Variants in ARHGAP44 observed in about 807,000 individuals in gnomAD.
ARHGAP44 encodes Rho GTPase activating protein 44.
Under a neutral mutation model 106.8 loss-of-function variants are expected in ARHGAP44, and 43 were observed. The observed-to-expected ratio is 0.40, with a 90% CI of 0.32 to 0.52. The LOEUF is 0.52. Among genes scored for constraint, ARHGAP44 ranks in the 20% least tolerant of loss-of-function variants. The probability of loss-of-function intolerance (pLI) is 0.48; values close to 1 mark genes in which losing one functional copy is unlikely to be tolerated. For synonymous variants in ARHGAP44, 439 were observed against 410.3 expected (o/e 1.07, Z -0.85); for missense variants, 866 against 1,050.5 (o/e 0.82, Z 2.43).
Position 12,949,877 on chromosome 17 carries a change from G to A in ARHGAP44, c.1055+147G>A, listed in dbSNP as rs1374872879. 1.5e-5 allele frequency: 11 copies of A among 721,346 alleles called. No individual in the cohort carries two copies. The highest frequency in any genetic ancestry group is 2.3e-5 in the Non-Finnish European group (10 of 440,316). 44.7% of individuals were successfully genotyped at this position (721,346 alleles called of 1,614,324 possible). On this transcript the variant is annotated intron_variant, in intron 12 of 20. Transcript: ENST00000379672. This position sits in a 1 kb window ranked among gnomAD's most constrained non-coding sequence, Gnocchi z 4.1. ...GAGTGCTTATACATTTGCCCAAGGA[G>A]GCAGGTCCAGGGATATTGATGGTAG...
At chr17:12,883,379 CT>C (rs545967302) in intron 1 of ARHGAP44, among the ~76,000 whole-genome samples, 2 of 150,882 alleles carry the variant, frequency 1.3e-5, no homozygotes, top group Admixed American at 6.6e-5. Flanking sequence ...TTATTAGTTT[CT>C]TTTTTTATTG....
chr17:12,866,502 AAG>A (rs759420555), intron 1 of ARHGAP44, among the ~76,000 whole-genome samples: 3 of 151,964 alleles, frequency 2.0e-5, no homozygotes. Flanking sequence ...TTCACAGTGT[AAG>A]AGAGAGAGAG....
rs1185142999 is a variant in ARHGAP44 at position 12,949,735 on chromosome 17, G to C, written c.1055+5G>C. The C allele has an allele frequency of 6.2e-7, 1 of 1,611,652 alleles. No homozygotes were observed. The stretch of plus-strand genomic sequence containing the variant: ...TGAGTGGATCCAGGCTTCCAAGTGA[G>C]TACCCCTTGTTTTGGAATGTCCTGT... On this transcript the variant is annotated splice_donor_5th_base_variant and intron_variant, in intron 12 of 20. Transcript: ENST00000379672. This position sits in a 1 kb window ranked among gnomAD's most constrained non-coding sequence, Gnocchi z 4.1.
At chr17:12,880,535 T>G (rs1464164071) in intron 1 of ARHGAP44, among the ~76,000 whole-genome samples, 1 of 152,180 alleles carries the variant, frequency 6.6e-6, no homozygotes, top group Non-Finnish European at 1.5e-5. Context: ...ACATTGTACC[T>G]CTAAGAGTCA....
intron 1 of ARHGAP44, among the ~76,000 whole-genome samples, chr17:12,844,884 A>AAAC (rs2035519324): frequency 6.6e-6 from 1 of 152,040 alleles, no homozygotes; most frequent in African/African-American, 2.4e-5. Context: ...CTGATAAGAG[A>AAAC]TACTATGCTG....
rs926597068 is a variant in ARHGAP44 at position 12,949,112 on chromosome 17, G to A, written c.862-28G>A. On this transcript the variant is annotated intron_variant, in intron 10 of 20. Transcript: ENST00000379672. This position sits in a 1 kb window ranked among gnomAD's most constrained non-coding sequence, Gnocchi z 4.1. ...TTTGATGTTGTACCTTGGAGTTGCT[G>A]TGCGCTGACCCTCTGTCCTGTTGGT... is the stretch of plus-strand genomic sequence containing the variant. 4 of 1,548,450 alleles carry A rather than the reference G, an allele frequency of 2.6e-6. No homozygotes were observed. In the South Asian group the frequency reaches 4.8e-5, roughly 18 times the overall value.
At chr17:12,859,750 G>A (rs900036260) in intron 1 of ARHGAP44, among the ~76,000 whole-genome samples, 20 of 152,152 alleles carry the variant, frequency 1.3e-4, no homozygotes, top group East Asian at 5.8e-4. Context: ...ATTCGCAGTC[G>A]CCAAGAAACA....
chr17:12,823,554 G>A lies in ARHGAP44; in HGVS notation c.53+33663G>A, dbSNP rs181648515. Among the ~76,000 whole-genome samples, 47 of 152,138 alleles carry A rather than the reference G, an allele frequency of 3.1e-4. No individual in the cohort carries two copies. In the East Asian group the frequency reaches 8.7e-3, roughly 28 times the overall value. On this transcript the variant is annotated intron_variant, in intron 1 of 20. Coordinates refer to ENST00000379672, the MANE Select transcript of ARHGAP44 (RefSeq NM_014859.6). ...CTGCCCCACCTGTTCTAATAGAGAA[G>A]CTATTCTTTCTCTATCCTTCCATCT...
intron 16 of ARHGAP44, among the ~76,000 whole-genome samples, chr17:12,968,214 C>G (rs948238479): frequency 1.3e-5 from 2 of 152,172 alleles, no homozygotes; most frequent in Non-Finnish European, 2.9e-5. Flanking sequence ...TCCTTGCCAC[C>G]TCGGGTGCTT....
chr17:12,841,631 C>CAAAAAA (rs1567642349), intron 1 of ARHGAP44, among the ~76,000 whole-genome samples: 3 of 106,286 alleles, frequency 2.8e-5, no homozygotes, highest in African/African-American at 1.1e-4. Context: ...CACACACACA[C>CAAAAAA]ACACACACAA....
At position 12,893,646 on chromosome 17, in the gene ARHGAP44, G is replaced by A. The variant is rs1009823817; in HGVS notation, c.54-1294G>A. Among the ~76,000 whole-genome samples, 85 of 152,294 alleles carry A rather than the reference G, an allele frequency of 5.6e-4. 1 individual carries two copies. The highest frequency in any genetic ancestry group is 2.0e-3 in the African/African-American group (83 of 41,564). ...CTTGGGTGGTTGTTACAGCCTGGTA[G>A]GAGTAGAAGTCAGGGCTCCCTACTC... On this transcript the variant is annotated intron_variant, in intron 1 of 20. Transcript: ENST00000379672.
intron 2 of ARHGAP44, 76 bp from the exon 3 acceptor site, chr17:12,896,331 G>A: frequency 8.0e-7 from 1 of 1,244,186 alleles, no homozygotes; most frequent in Non-Finnish European, 1.1e-6. Context: ...CATGAGTTGT[G>A]ATTGTCCACA....
chr17:12,979,328 C>G (rs1419821890), intron 18 of ARHGAP44, among the ~76,000 whole-genome samples: 1 of 152,148 alleles, frequency 6.6e-6, no homozygotes, highest in Non-Finnish European at 1.5e-5. Context: ...CTTGCAGTAA[C>G]GATGAATCCT....
chr17:12,915,849 GA>G (rs2037894354), intron 4 of ARHGAP44, 50 bp from the exon 5 acceptor site: 5 of 1,522,076 alleles, frequency 3.3e-6, no homozygotes, highest in Non-Finnish European at 4.5e-6. Context: ...TAACGCCAGT[GA>G]AATGTTGTCT....
intron 10 of ARHGAP44, among the ~76,000 whole-genome samples, chr17:12,948,723 T>TACAAACACACACACACACACACACAC (rs2038917600): frequency 3.4e-5 from 1 of 29,310 alleles, no homozygotes; most frequent in Non-Finnish European, 6.7e-5. Context: ...CCAACACACA[T>TACAAACACACACACACACACACACAC]ACACACACAC....
intron 1 of ARHGAP44, among the ~76,000 whole-genome samples, chr17:12,792,455 C>T (rs8068301): frequency 0.1 from 15,598 of 152,148 alleles, 1,029 homozygotes; most frequent in East Asian, 0.25. Flanking sequence ...GAGATTAAAA[C>T]GGTTTACCCC....
At chr17:12,898,867 A>G (rs9915005) in intron 3 of ARHGAP44, among the ~76,000 whole-genome samples, 8,790 of 152,300 alleles carry the variant, frequency 0.058, 280 homozygotes, top group Admixed American at 0.086. Context: ...CTGCAGTCAC[A>G]TGCATGCAGT....
chr17:12,835,311 G>A (rs1231734053), intron 1 of ARHGAP44, among the ~76,000 whole-genome samples: 3 of 152,162 alleles, frequency 2.0e-5, no homozygotes, highest in African/African-American at 7.2e-5. Flanking sequence ...GTGCACAGAT[G>A]TGTGCAGATG....
At chr17:12,893,519 G>A (rs2037109641) in intron 1 of ARHGAP44, among the ~76,000 whole-genome samples, 1 of 152,188 alleles carries the variant, frequency 6.6e-6, no homozygotes, top group Non-Finnish European at 1.5e-5. Flanking sequence ...GATGGGCTTT[G>A]TCAGTTGCCT....
Sources: allele counts gnomAD v4.1 joint callset (sites outside exome capture counted in the v4.1 genomes callset), GRCh38; gene constraint gnomAD v4.1.1; non-coding constraint Gnocchi (gnomAD v3.1); transcripts MANE v1.5; gene names NCBI Gene and HGNC (gene_info 2026-07-23, HGNC 2026-07-21).